GATA4: variants seen among roughly 807,000 people sequenced by gnomAD.
The protein encoded by GATA4 is transcription factor GATA-4.
Under a neutral mutation model 37.9 loss-of-function variants are expected in GATA4, and 7 were observed. The ratio of observed to expected loss-of-function variants is 0.18; its 90% CI spans 0.11 to 0.35. The LOEUF (loss-of-function observed/expected upper bound fraction) is 0.35. Among genes scored for constraint, GATA4 ranks in the 10% least tolerant of loss-of-function variants. GATA4 has a pLI of 1.00. For missense variants in GATA4, 647 were observed against 653.0 expected, an observed-to-expected ratio of 0.99 and a Z score of 0.10; for synonymous variants, 372 against 292.6, an observed-to-expected ratio of 1.27 and a Z score of -2.77.
intron 2 of GATA4, among the ~76,000 whole-genome samples, chr8:11,714,419 C>T (rs1019182185): frequency 3.9e-5 from 6 of 152,192 alleles, no homozygotes; most frequent in Non-Finnish European, 7.3e-5. Flanking sequence ...CTTTTGGGAC[C>T]TGCTTATCAA....
At chr8:11,705,449 TTGCAATTCTCCCATTC>T (rs1294182057) in intron 1 of GATA4, among the ~76,000 whole-genome samples, 2 of 152,206 alleles carry the variant, frequency 1.3e-5, no homozygotes, top group African/African-American at 2.4e-5. Flanking sequence ...TTTTCGGCGC[TTGCAATTCTCCCATTC>T]TGAAAAATAG....
chr8:11,715,959 C>T (rs1277732018), intron 2 of GATA4, among the ~76,000 whole-genome samples: 1 of 152,140 alleles, frequency 6.6e-6, no homozygotes, highest in East Asian at 1.9e-4. Flanking sequence ...CAAGTAGAAT[C>T]GTACAGTGTT....
chr8:11,736,365 T>C (rs1263613235), intron 2 of GATA4, among the ~76,000 whole-genome samples: 3 of 152,174 alleles, frequency 2.0e-5, no homozygotes, highest in Non-Finnish European at 4.4e-5. Context: ...CACTTTTGAG[T>C]TGTGGAGACC....
At chr8:11,719,171 C>G (rs1800561535) in intron 2 of GATA4, among the ~76,000 whole-genome samples, 1 of 150,656 alleles carries the variant, frequency 6.6e-6, no homozygotes, top group African/African-American at 2.4e-5. Flanking sequence ...ATGACCTTTT[C>G]AGATATTTTA....
At chr8:11,681,407 G>A in intron 1 of GATA4, 2 of 985,076 alleles carry the variant, frequency 2.0e-6, no homozygotes, top group Non-Finnish European at 2.4e-6. Flanking sequence ...GGGATCACGC[G>A]TGGCTCAACT....
chr8:11,701,923 T>C (rs1585580472), upstream of GATA4, among the ~76,000 whole-genome samples: 2 of 151,744 alleles, frequency 1.3e-5, no homozygotes, highest in African/African-American at 4.8e-5. Flanking sequence ...TAATCTGGGG[T>C]TCCTTGCAAG....
At chr8:11,694,930 A>C (rs1411113267) in intron 1 of GATA4, among the ~76,000 whole-genome samples, 1 of 152,238 alleles carries the variant, frequency 6.6e-6, no homozygotes, top group Non-Finnish European at 1.5e-5. Flanking sequence ...TGGCCCAGGC[A>C]GTCAGTGGCT....
chr8:11,722,265 C>G (rs1022437839), intron 2 of GATA4, among the ~76,000 whole-genome samples: 4 of 152,230 alleles, frequency 2.6e-5, no homozygotes, highest in African/African-American at 9.7e-5. Flanking sequence ...ATACATTACT[C>G]ACTTTCCCCC....
intron 2 of GATA4, among the ~76,000 whole-genome samples, chr8:11,728,424 G>T (rs547073515): frequency 6.6e-6 from 1 of 151,960 alleles, no homozygotes; most frequent in African/African-American, 2.4e-5. Context: ...GCTGGAGTGC[G>T]GTGCTGTGAT....
intron 2 of GATA4, among the ~76,000 whole-genome samples, chr8:11,746,990 C>T (rs1044102615): frequency 6.6e-6 from 1 of 152,168 alleles, no homozygotes; most frequent in African/African-American, 2.4e-5. Context: ...CTTCTCTGGC[C>T]CACATTCCCC....
At chr8:11,698,937 ATT>A (rs1799586242) in intron 1 of GATA4, among the ~76,000 whole-genome samples, 2 of 152,206 alleles carry the variant, frequency 1.3e-5, no homozygotes, top group African/African-American at 4.8e-5. Context: ...TCTGGCCAGT[ATT>A]CTACTCTGAG....
intron 1 of GATA4, among the ~76,000 whole-genome samples, chr8:11,677,309 G>T (rs1798816634): frequency 6.6e-6 from 1 of 152,234 alleles, no homozygotes; most frequent in Non-Finnish European, 1.5e-5. Flanking sequence ...CAGACGCCGG[G>T]CTTCCTTCCC....
chr8:11,703,711 A>C (rs1413765564), upstream of GATA4, among the ~76,000 whole-genome samples: 1 of 152,172 alleles, frequency 6.6e-6, no homozygotes, highest in Non-Finnish European at 1.5e-5. Context: ...TGTCTCCTGA[A>C]CCTCCAAGGA....
intron 2 of GATA4, among the ~76,000 whole-genome samples, 192 bp from the exon 3 acceptor site, chr8:11,748,724 A>G (rs927071556): frequency 6.6e-6 from 1 of 151,876 alleles, no homozygotes; most frequent in Non-Finnish European, 1.5e-5. Context: ...GCTCAGGGGA[A>G]CTCTCAGTGT....
Position 11,759,967 on chromosome 8 carries a change from G to C in GATA4, c.*1492G>C, listed in dbSNP as rs1802813677. The C allele has an allele frequency of 6.6e-6, 1 of 152,662 alleles. No individual in the cohort carries two copies. Among genetic ancestry groups the C allele is most frequent in the Non-Finnish European group, 1.5e-5 (1 of 68,038 alleles). 9.5% of individuals were successfully genotyped at this position (152,662 alleles called of 1,614,324 possible). A position where few individuals can be genotyped will look rare whatever the true frequency, so the allele number is the denominator to read the frequency against. ...TTAAGGTGAAATGGCTGGAAAATCA[G>C]TATTTAACTAATAAATTTATCTGTA... On this transcript the variant is annotated 3_prime_UTR_variant, in exon 7 of 7. Transcript: ENST00000532059.
At chr8:11,723,528 T>G (rs540905232) in intron 2 of GATA4, among the ~76,000 whole-genome samples, 61 of 152,338 alleles carry the variant, frequency 4.0e-4, no homozygotes, top group Admixed American at 2.7e-3. Flanking sequence ...AATCTCTTTT[T>G]ATGAGTTTTC....
intron 2 of GATA4, among the ~76,000 whole-genome samples, chr8:11,730,323 C>T (rs1022070544): frequency 5.9e-5 from 9 of 152,118 alleles, no homozygotes; most frequent in Non-Finnish European, 1.3e-4. Context: ...CCTAGGCTTT[C>T]GATTCTTGTG....
rs149157877 is a variant in GATA4 at position 11,747,637 on chromosome 8, G to A, written c.617-1279G>A. ...TTCCAAGAACTGAAAAAGAAATTTAGTGCCTTTGACTCAGAAATTCTACTT... is the reference window on the plus strand; with the variant it reads ...TTCCAAGAACTGAAAAAGAAATTTAATGCCTTTGACTCAGAAATTCTACTT... On this transcript the variant is annotated intron_variant, in intron 2 of 6. Coordinates refer to ENST00000532059, the MANE Select transcript of GATA4 (RefSeq NM_001308093.3). 3.8e-3 allele frequency among the ~76,000 whole-genome samples: 573 copies of A among 152,250 alleles called. 2 individuals carry two copies. Among genetic ancestry groups the A allele is most frequent in the African/African-American group, 0.013 (544 of 41,544 alleles).
intron 1 of GATA4, among the ~76,000 whole-genome samples, chr8:11,693,562 C>CAGAGAGAGAGAGAGAGAGAGAGAG (rs139631153): frequency 8.3e-5 from 6 of 72,230 alleles, no homozygotes; most frequent in African/African-American, 2.0e-4. Context: ...CACACACACA[C>CAGAGAGAGAGAGAGAGAGAGAGAG]AGAGAGAGAG....
Sources: gnomAD v4.1 joint callset for allele counts (sites outside exome capture counted in the v4.1 genomes callset) on GRCh38, gnomAD v4.1.1 for gene constraint, MANE v1.5 for transcripts, NCBI Gene and HGNC (gene_info 2026-07-23, HGNC 2026-07-21) for gene names.